Variants in GALNT14 observed in about 807,000 individuals in gnomAD.
GALNT14 encodes polypeptide N-acetylgalactosaminyltransferase 14, also known as UDP-GalNAc:polypeptide N-acetylgalactosaminyltransferase 14.
A neutral mutation model predicts 77.5 loss-of-function variants in GALNT14; 60 were observed. That is an observed-to-expected ratio of 0.77 (90% CI 0.63 to 0.96). The LOEUF (loss-of-function observed/expected upper bound fraction) is 0.96, where lower values mean the gene tolerates loss of function less well. Ranked by LOEUF, GALNT14 falls within the 40% of genes least tolerant of loss-of-function variation. The pLI is 0.00. For missense variants in GALNT14, 710 were observed against 731.0 expected (o/e 0.97, Z 0.33); for synonymous variants, 280 against 281.7 (o/e 0.99, Z 0.06).
chr2:31,008,451 C>T (rs1670810263), intron 1 of GALNT14, among the ~76,000 whole-genome samples: 1 of 152,196 alleles, frequency 6.6e-6, no homozygotes, highest in Non-Finnish European at 1.5e-5. Context: ...GGACCAGATT[C>T]TCTCTGAGGT....
In GALNT14 at chr2:31,120,165, A is replaced by T. The variant is rs1678331190; in HGVS notation, c.129+17793T>A. Among the ~76,000 whole-genome samples the T allele has an allele frequency of 2.7e-5, 2 of 74,612 alleles. 1 individual carries two copies. The highest frequency in any genetic ancestry group is 7.8e-5 in the Non-Finnish European group (2 of 25,672). The allele number at this position is 74,612 out of a possible 152,430, so 48.9% of individuals were successfully genotyped here. A position where few individuals can be genotyped will look rare whatever the true frequency, so the allele number is the denominator to read the frequency against. Reference sequence around the variant, plus strand: ...AGCGAGACTCCGTCTCAAAAAAAAAAAAAAAAAAAAAAAATAATGAGCTAG... The same window carrying T: ...AGCGAGACTCCGTCTCAAAAAAAAATAAAAAAAAAAAAAATAATGAGCTAG... On this transcript the variant is annotated intron_variant, in intron 1 of 14. Transcript: ENST00000349752.
At chr2:30,944,748 C>T (rs1051250461) in intron 8 of GALNT14, 110 bp downstream of exon 8, 1 of 834,802 alleles carries the variant, frequency 1.2e-6, no homozygotes, top group Non-Finnish European at 1.8e-6. Flanking sequence ...TGGCAAAGGG[C>T]TCCCTTTGTC....
At chr2:31,107,066 G>A (rs1321409679) in intron 1 of GALNT14, among the ~76,000 whole-genome samples, 3 of 152,176 alleles carry the variant, frequency 2.0e-5, no homozygotes, top group Admixed American at 6.5e-5. Flanking sequence ...TTTCCTGTAT[G>A]TTATATCTCA....
chr2:31,011,019 G>T (rs1319964634), intron 1 of GALNT14, among the ~76,000 whole-genome samples: 1 of 152,242 alleles, frequency 6.6e-6, no homozygotes, highest in East Asian at 1.9e-4. Flanking sequence ...GCAAGCCTTG[G>T]CCTAGGCCTA....
At chr2:31,117,169 C>T (rs1678148341) in intron 1 of GALNT14, among the ~76,000 whole-genome samples, 1 of 152,098 alleles carries the variant, frequency 6.6e-6, no homozygotes, top group Non-Finnish European at 1.5e-5. Flanking sequence ...ATTTGATAGG[C>T]CACATTCTCA....
At chr2:31,131,537 T>G (rs971758933) in intron 1 of GALNT14, among the ~76,000 whole-genome samples, 2 of 152,188 alleles carry the variant, frequency 1.3e-5, no homozygotes, top group Admixed American at 1.3e-4. Flanking sequence ...TGGGATGCTA[T>G]AGAAGAGTGA....
chr2:30,924,176 G>A lies in GALNT14; in HGVS notation c.1323C>T (p.Thr441=). 2 of 1,614,168 alleles carry A rather than the reference G, an allele frequency of 1.2e-6. No homozygotes were observed. The highest frequency in any genetic ancestry group is 2.2e-5 in the South Asian group (2 of 91,084). ...CACAGGGGCTCAACTTTAGGTTTGG[G>A]GTTTCTTGGTTGTTCTGCCTTTGAG... ...LESQRQNNQE[T]PNLKLSPCAK... The change falls in exon 13 of 15, where the codon ACC becomes ACT. Residue 441 remains threonine, a synonymous_variant. Coordinates refer to ENST00000349752, the MANE Select transcript of GALNT14 (RefSeq NM_024572.4).
chr2:30,939,696 C>T (rs1199351295), intron 9 of GALNT14, among the ~76,000 whole-genome samples: 1 of 152,064 alleles, frequency 6.6e-6, no homozygotes, highest in Non-Finnish European at 1.5e-5. Context: ...GGAGAGAAGG[C>T]GACGGATGTG....
chr2:31,023,753 C>T (rs773108006), intron 1 of GALNT14, among the ~76,000 whole-genome samples: 1 of 152,080 alleles, frequency 6.6e-6, no homozygotes, highest in Non-Finnish European at 1.5e-5. Context: ...CCCTCCTCTG[C>T]CTCCAGATGC....
intron 1 of GALNT14, among the ~76,000 whole-genome samples, chr2:31,042,862 C>T (rs1016975385): frequency 6.6e-6 from 1 of 152,190 alleles, no homozygotes; most frequent in Non-Finnish European, 1.5e-5. Flanking sequence ...AGTCTATTTG[C>T]AATACAACAG....
chr2:30,927,767 A>G (rs925443042), intron 11 of GALNT14, among the ~76,000 whole-genome samples: 10 of 152,142 alleles, frequency 6.6e-5, no homozygotes, highest in Admixed American at 2.0e-4. Context: ...TTTAATGAAG[A>G]TCGAGGGAGA....
rs75043184 is a variant in GALNT14, at chr2:31,070,524, A to G, written c.129+67434T>C. 8.3e-3 allele frequency among the ~76,000 whole-genome samples: 1,271 copies of G among 152,248 alleles called. 21 individuals carry two copies. The highest frequency in any genetic ancestry group is 0.029 in the African/African-American group (1,219 of 41,542). On this transcript the variant is annotated intron_variant, in intron 1 of 14. Coordinates refer to ENST00000349752, the MANE Select transcript of GALNT14 (RefSeq NM_024572.4). ...TTAGGCTCCCCAAACCCTGTGACTC[A>G]TCCATTTTCTCCCAGCCTGAAAAAT...
At chr2:31,080,081 GC>G (rs1676064750) in intron 1 of GALNT14, among the ~76,000 whole-genome samples, 1 of 152,226 alleles carries the variant, frequency 6.6e-6, no homozygotes, top group Non-Finnish European at 1.5e-5. Flanking sequence ...AGTGCATGGG[GC>G]AAAATCAGAG....
At chr2:31,016,544 A>C (rs374444546) in intron 1 of GALNT14, among the ~76,000 whole-genome samples, 50 of 151,764 alleles carry the variant, frequency 3.3e-4, no homozygotes, top group Non-Finnish European at 5.2e-4. Context: ...CCCCACACGA[A>C]CTCCTTCCAC....
chr2:31,085,362 G>A (rs1051910731), intron 1 of GALNT14, among the ~76,000 whole-genome samples: 10 of 152,212 alleles, frequency 6.6e-5, no homozygotes, highest in African/African-American at 1.4e-4. Flanking sequence ...GGAGGGGCTC[G>A]TGCTAAAGCA....
Position 31,087,626 on chromosome 2 carries a change from A to G in GALNT14, c.129+50332T>C, listed in dbSNP as rs151283192. On this transcript the variant is annotated intron_variant, in intron 1 of 14. Coordinates refer to ENST00000349752, the MANE Select transcript of GALNT14 (RefSeq NM_024572.4). ...GAGAAGCCAGAGAAGAAAGAGGAAA[A>G]CCAGGACCTGGTGAAGTAATCAAAT... 3.1e-3 allele frequency among the ~76,000 whole-genome samples: 475 copies of G among 152,118 alleles called. 4 individuals carry two copies. The highest frequency in any genetic ancestry group is 0.011 in the African/African-American group (454 of 41,490).
chr2:31,129,914 C>G (rs1678893033), intron 1 of GALNT14, among the ~76,000 whole-genome samples: 1 of 152,188 alleles, frequency 6.6e-6, no homozygotes, highest in African/African-American at 2.4e-5. Flanking sequence ...ATAGATGTTT[C>G]AGGCTCTCTC....
the GALNT14 span, among the ~76,000 whole-genome samples, chr2:30,900,972 T>G: frequency 2.0e-5 from 3 of 152,276 alleles, no homozygotes; most frequent in African/African-American, 7.2e-5. Flanking sequence ...ACTAAAATTT[T>G]GGGTAGAAAA....
At chr2:31,018,198 C>T (rs1168237118) in intron 1 of GALNT14, among the ~76,000 whole-genome samples, 1 of 152,344 alleles carries the variant, frequency 6.6e-6, no homozygotes, top group East Asian at 1.9e-4. Flanking sequence ...CTCCAGGTAC[C>T]CCTGGCCCAG....
Sources: gnomAD v4.1 joint callset for allele counts (sites outside exome capture counted in the v4.1 genomes callset) on GRCh38, gnomAD v4.1.1 for gene constraint, MANE v1.5 for transcripts, NCBI Gene and HGNC (gene_info 2026-07-23, HGNC 2026-07-21) for gene names.